CDC123: variants seen among roughly 807,000 people sequenced by gnomAD.
CDC123 encodes translation initiation factor eIF2 assembly protein.
In CDC123, 37 loss-of-function variants were observed where a neutral mutation model predicts 54.4. That is an observed-to-expected ratio of 0.68 (90% CI 0.52 to 0.89). CDC123 has a LOEUF of 0.89. CDC123 is among the 40% of genes least tolerant of loss of function. The probability of loss-of-function intolerance (pLI) is 0.00; values close to 1 mark genes in which losing one functional copy is unlikely to be tolerated. For synonymous variants in CDC123, 144 were observed against 136.8 expected (o/e 1.05, Z -0.37); for missense variants, 361 against 412.1 (o/e 0.88, Z 1.07).
intron 11 of CDC123, among the ~76,000 whole-genome samples, chr10:12,248,198 A>G (rs946922515): frequency 4.6e-5 from 7 of 152,190 alleles, no homozygotes; most frequent in Non-Finnish European, 8.8e-5. Flanking sequence ...TCTTGTGAGC[A>G]TTTTATATCT....
At chr10:12,250,109 G>T (rs1344025902) in intron 12 of CDC123, 2 of 496,522 alleles carry the variant, frequency 4.0e-6, no homozygotes, top group Non-Finnish European at 7.1e-6. Flanking sequence ...ATGTATGGAA[G>T]AAAGAGAAGA....
chr10:12,204,538 G>A (rs1480883672), intron 2 of CDC123, among the ~76,000 whole-genome samples: 2 of 152,152 alleles, frequency 1.3e-5, no homozygotes, highest in East Asian at 1.9e-4. Flanking sequence ...AACAAGAGAT[G>A]TTTTGATCCA....
At chr10:12,201,391 C>T (rs1835437260) in intron 2 of CDC123, among the ~76,000 whole-genome samples, 1 of 151,958 alleles carries the variant, frequency 6.6e-6, no homozygotes, top group Non-Finnish European at 1.5e-5. Context: ...GCTGGGAGAG[C>T]TGAGGATCGC....
At chr10:12,210,061 T>G (rs1835577177) in intron 3 of CDC123, 37 bp downstream of exon 3, 1 of 1,600,684 alleles carries the variant, frequency 6.2e-7, no homozygotes, top group Non-Finnish European at 8.6e-7. Flanking sequence ...CTGTAGACTG[T>G]TGTAATTTAA....
chr10:12,198,689 G>GGT lies in CDC123; in HGVS notation c.75-13_75-12dup, dbSNP rs1188446362. 1 of 1,460,096 alleles carries GGT rather than the reference G, an allele frequency of 6.8e-7. No individual in the cohort carries two copies. The highest frequency in any genetic ancestry group is 9.5e-7 in the Non-Finnish European group (1 of 1,054,996). The allele number at this position is 1,460,096 out of a possible 1,614,324, so 90.4% of individuals were successfully genotyped here. A position where few individuals can be genotyped will look rare whatever the true frequency, so the allele number is the denominator to read the frequency against. On this transcript the variant is annotated splice_polypyrimidine_tract_variant and intron_variant, in intron 1 of 12. Transcript: ENST00000281141. ...GGTCTTTTAAAATGATGCCTTTTTTGGTGTTTTTTTTTTAGTGTCATTCTT... is the reference window on the plus strand; with the variant it reads ...GGTCTTTTAAAATGATGCCTTTTTTGGTGTGTTTTTTTTTTAGTGTCATTCTT...
In CDC123 at chr10:12,249,578, C is replaced by T. The variant is rs1588687002; in HGVS notation, c.847-3C>T. The T allele has an allele frequency of 6.2e-7, 1 of 1,609,216 alleles. No homozygotes were observed. ...TTCTTTCTCCTTTTTCTTCTTTGTA[C>T]AGGATTCCCCAGCTTTCCGTTGCAC... On this transcript the variant is annotated splice_polypyrimidine_tract_variant and splice_region_variant and intron_variant, in intron 11 of 12. Coordinates refer to ENST00000281141, the MANE Select transcript of CDC123 (RefSeq NM_006023.3).
intron 11 of CDC123, chr10:12,246,975 C>T (rs1836149539): frequency 6.6e-6 from 1 of 151,190 alleles, no homozygotes; most frequent in African/African-American, 2.5e-5. Flanking sequence ...TCTCTCTCAC[C>T]TCCCCCTCAG....
At chr10:12,213,435 A>G (rs571828190) in intron 4 of CDC123, among the ~76,000 whole-genome samples, 1 of 152,344 alleles carries the variant, frequency 6.6e-6, no homozygotes, top group African/African-American at 2.4e-5. Context: ...AAAAACGTCA[A>G]GGTCATAAAT....
chr10:12,209,586 T>C (rs1835568419), intron 2 of CDC123, among the ~76,000 whole-genome samples: 1 of 151,870 alleles, frequency 6.6e-6, no homozygotes, highest in Non-Finnish European at 1.5e-5. Flanking sequence ...TTTGAGACAG[T>C]GTTTTACGTT....
At chr10:12,241,000 C>T (rs1836050272) in intron 10 of CDC123, among the ~76,000 whole-genome samples, 1 of 152,044 alleles carries the variant, frequency 6.6e-6, no homozygotes, top group Non-Finnish European at 1.5e-5. Context: ...TGCAGTTTAC[C>T]CTCGGTAGAG....
In CDC123 at chr10:12,246,196, T is replaced by A. The variant is rs1272970345; in HGVS notation, c.765T>A (p.Asp255Glu). 1.9e-6 allele frequency: 3 copies of A among 1,613,964 alleles called. No homozygotes were observed. Among genetic ancestry groups the A allele is most frequent in the Non-Finnish European group, 2.5e-6 (3 of 1,179,932 alleles). ...IDFNPFGEVT[D>E]SLLFTWEELI... ...TTAATCCATTTGGTGAAGTCACAGATTCACTGCTGTTCACCTGGGAAGAAC... is the reference window on the plus strand; with the variant it reads ...TTAATCCATTTGGTGAAGTCACAGAATCACTGCTGTTCACCTGGGAAGAAC... Residue 255 changes from aspartate to glutamate, a missense_variant, in exon 11 of 13, where the codon GAT (aspartate) becomes GAA (glutamate). Physicochemically the swap from Asp to Glu is conservative, Grantham distance 45. Transcript: ENST00000281141.
At chr10:12,200,438 A>C (rs544529350) in intron 2 of CDC123, among the ~76,000 whole-genome samples, 116 of 152,058 alleles carry the variant, frequency 7.6e-4, no homozygotes, top group African/African-American at 2.7e-3. Flanking sequence ...TTTTATTCTC[A>C]AATACGTGTA....
chr10:12,243,337 G>T (rs1393995406), intron 10 of CDC123, among the ~76,000 whole-genome samples: 1 of 151,350 alleles, frequency 6.6e-6, no homozygotes, highest in Non-Finnish European at 1.5e-5. Flanking sequence ...AGGGGAAGTT[G>T]CAGTGAGCCG....
At chr10:12,248,057 TTTGAGAACC>T (rs1033180894) in intron 11 of CDC123, among the ~76,000 whole-genome samples, 210 of 152,266 alleles carry the variant, frequency 1.4e-3, no homozygotes, top group African/African-American at 4.8e-3. Flanking sequence ...TCACTTATGA[TTTGAGAACC>T]TTGAGAACCA....
chr10:12,230,840 G>T (rs1835891732), intron 6 of CDC123, 108 bp from the exon 7 acceptor site: 1 of 1,020,392 alleles, frequency 9.8e-7, no homozygotes, highest in South Asian at 1.4e-5. Context: ...TCCTGTTTCT[G>T]GATGCTTTTA....
At chr10:12,217,498 G>A in intron 6 of CDC123, 31 bp downstream of exon 6, 20 of 1,601,752 alleles carry the variant, frequency 1.2e-5, no homozygotes, top group Non-Finnish European at 1.6e-5. Context: ...CATGTCAATA[G>A]TTTCAGTATT....
At chr10:12,233,026 TG>T (rs1254041460) in intron 7 of CDC123, among the ~76,000 whole-genome samples, 1 of 152,156 alleles carries the variant, frequency 6.6e-6, no homozygotes, top group East Asian at 1.9e-4. Flanking sequence ...CCCAAAGTGC[TG>T]GGATTACAGG....
intron 10 of CDC123, among the ~76,000 whole-genome samples, chr10:12,243,759 G>T (rs967856039): frequency 6.7e-6 from 1 of 149,896 alleles, no homozygotes; most frequent in African/African-American, 2.5e-5. Context: ...ACTCCAGCCT[G>T]AGTGACAGAG....
At chr10:12,218,996 C>G (rs1185483404) in intron 6 of CDC123, among the ~76,000 whole-genome samples, 1 of 152,172 alleles carries the variant, frequency 6.6e-6, no homozygotes, top group Non-Finnish European at 1.5e-5. Flanking sequence ...AAAGCATATC[C>G]CAGAACCTAG....
Sources: gnomAD v4.1 joint callset for allele counts (sites outside exome capture counted in the v4.1 genomes callset) on GRCh38, gnomAD v4.1.1 for gene constraint, MANE v1.5 for transcripts, NCBI Gene and HGNC (gene_info 2026-07-23, HGNC 2026-07-21) for gene names.